Variants in CCDC192 observed in about 807,000 individuals in gnomAD.
The protein encoded by CCDC192 is coiled-coil domain containing 192.
intron 3 of CCDC192, chr5:127,786,676 C>T: frequency 1.3e-6 from 1 of 760,638 alleles, no homozygotes; most frequent in South Asian, 1.4e-5. Flanking sequence ...AATCAGTAAT[C>T]TTCCCATTGT....
chr5:127,831,914 T>C (rs1749813378), intron 5 of CCDC192, among the ~76,000 whole-genome samples: 1 of 152,004 alleles, frequency 6.6e-6, no homozygotes, highest in Non-Finnish European at 1.5e-5. Context: ...TGCAAGTTTT[T>C]TAAAACTGTA....
intron 2 of CCDC192, among the ~76,000 whole-genome samples, chr5:127,737,270 T>G (rs1329605416): frequency 6.6e-6 from 1 of 152,128 alleles, no homozygotes; most frequent in Admixed American, 6.5e-5. Flanking sequence ...TGAGTTCTAG[T>G]TTGATTGCAC....
intron 5 of CCDC192, among the ~76,000 whole-genome samples, chr5:127,800,130 T>C (rs1339011401): frequency 2.0e-5 from 3 of 151,988 alleles, no homozygotes; most frequent in East Asian, 3.9e-4. Flanking sequence ...ATGTGCCATT[T>C]GAGGTATCAA....
intron 6 of CCDC192, among the ~76,000 whole-genome samples, chr5:127,899,907 C>T (rs991557087): frequency 2.6e-5 from 4 of 152,204 alleles, no homozygotes; most frequent in Non-Finnish European, 4.4e-5. Context: ...CTGTGGTTGC[C>T]TCAAGTTTGT....
chr5:127,721,810 G>C (rs1580531474), intron 2 of CCDC192, among the ~76,000 whole-genome samples: 1 of 152,296 alleles, frequency 6.6e-6, no homozygotes, highest in East Asian at 1.9e-4. Context: ...AAAGGAGAAG[G>C]AGGCATGTCT....
At chr5:127,748,616 TTAAAG>T (rs1399778703) in intron 2 of CCDC192, among the ~76,000 whole-genome samples, 3 of 146,660 alleles carry the variant, frequency 2.0e-5, no homozygotes, top group South Asian at 2.2e-4. Flanking sequence ...CATATGAACT[TTAAAG>T]TAGTTTTTTC....
At chr5:127,825,115 A>G (rs1035970928) in intron 5 of CCDC192, among the ~76,000 whole-genome samples, 3 of 152,202 alleles carry the variant, frequency 2.0e-5, no homozygotes, top group African/African-American at 7.2e-5. Context: ...GAAGAGTTTT[A>G]AGGAGTATTG....
chr5:127,719,564 C>CACACACATATATAT (rs1751880301), intron 2 of CCDC192, among the ~76,000 whole-genome samples: 1 of 14,252 alleles, frequency 7.0e-5, no homozygotes, highest in Non-Finnish European at 1.9e-4. Flanking sequence ...TATATACACA[C>CACACACATATATAT]ATACATATAT....
At chr5:127,761,810 G>T (rs766527628) in intron 3 of CCDC192, among the ~76,000 whole-genome samples, 2 of 151,922 alleles carry the variant, frequency 1.3e-5, no homozygotes, top group Non-Finnish European at 2.9e-5. Context: ...AACAAACAAC[G>T]CCCCACCAAA....
chr5:127,785,815 G>T, intron 3 of CCDC192: 1 of 324,832 alleles, frequency 3.1e-6, no homozygotes, highest in East Asian at 8.4e-5. Flanking sequence ...TGGATAAATA[G>T]GCCATCTTGG....
chr5:127,793,272 G>C (rs551670722), intron 3 of CCDC192, among the ~76,000 whole-genome samples: 95 of 152,280 alleles, frequency 6.2e-4, no homozygotes, highest in African/African-American at 2.2e-3. Flanking sequence ...CTGAACATGA[G>C]TTAAATATAT....
chr5:127,876,063 A>AT lies in CCDC192; in HGVS notation c.535+424dup, dbSNP rs55862955. 3.7e-3 allele frequency among the ~76,000 whole-genome samples: 482 copies of AT among 128,780 alleles called. 4 individuals carry two copies. Among genetic ancestry groups the AT allele is most frequent in the Middle Eastern group, 8.3e-3 (2 of 242 alleles). The allele number at this position is 128,780 out of a possible 152,430, so 84.5% of individuals were successfully genotyped here. On this transcript the variant is annotated intron_variant, in intron 6 of 6. Transcript: ENST00000514853. ...ACTAGGGCACAGGGAAGAGAACAGAATTTTTTTTTTTTTTTTTTTTTTACC... is the reference window on the plus strand; with the variant it reads ...ACTAGGGCACAGGGAAGAGAACAGAATTTTTTTTTTTTTTTTTTTTTTTACC...
chr5:127,782,972 G>A (rs1423300159), intron 3 of CCDC192, among the ~76,000 whole-genome samples: 2 of 150,380 alleles, frequency 1.3e-5, no homozygotes, highest in Non-Finnish European at 3.0e-5. Flanking sequence ...TCCTAGCATC[G>A]CCTTTGCTGT....
rs942547519 is a variant in CCDC192, at chr5:127,841,786, C to T, written c.412-33752C>T. ...CCCAAGCCTTGGGTCACCAGCCCAA[C>T]GAGTGATCAGTAAGCATGCCTTGGT... On this transcript the variant is annotated intron_variant, in intron 5 of 6. Transcript: ENST00000514853. Among the ~76,000 whole-genome samples the T allele has an allele frequency of 8.6e-5, 13 of 152,026 alleles. No homozygotes were observed. In the East Asian group the frequency reaches 9.7e-4, roughly 11 times the overall value.
chr5:127,861,376 C>T (rs1194703114), intron 5 of CCDC192, among the ~76,000 whole-genome samples: 4 of 151,016 alleles, frequency 2.6e-5, no homozygotes, highest in Admixed American at 2.6e-4. Context: ...AATGCCTGGC[C>T]GGGCACAGTG....
At chr5:127,899,920 C>T (rs1456881873) in intron 6 of CCDC192, among the ~76,000 whole-genome samples, 2 of 152,172 alleles carry the variant, frequency 1.3e-5, no homozygotes, top group African/African-American at 4.8e-5. Context: ...AAGTTTGTTT[C>T]CCCTGACGCT....
chr5:127,845,643 A>T (rs1750499307), intron 5 of CCDC192, among the ~76,000 whole-genome samples: 1 of 152,228 alleles, frequency 6.6e-6, no homozygotes, highest in Non-Finnish European at 1.5e-5. Flanking sequence ...CTAGTTTCCC[A>T]TGTGAATTTT....
chr5:127,709,202 G>GGAGA (rs201676720), intron 2 of CCDC192, among the ~76,000 whole-genome samples: 2,134 of 85,488 alleles, frequency 0.025, 56 homozygotes, highest in Admixed American at 0.043. Flanking sequence ...GGAGAGAGGG[G>GGAGA]GAGAGAGAGA....
At chr5:127,914,770 C>T (rs1344867981) in intron 6 of CCDC192, among the ~76,000 whole-genome samples, 3 of 152,138 alleles carry the variant, frequency 2.0e-5, no homozygotes, top group South Asian at 2.1e-4. Context: ...CATGAATTAA[C>T]TCACTTGAGC....
Sources: gnomAD v4.1 joint callset for allele counts (sites outside exome capture counted in the v4.1 genomes callset) on GRCh38, gnomAD v4.1.1 for gene constraint, MANE v1.5 for transcripts, NCBI Gene and HGNC (gene_info 2026-07-23, HGNC 2026-07-21) for gene names.